CACNB2: variants seen among roughly 807,000 people sequenced by gnomAD.
CACNB2 encodes voltage-dependent L-type calcium channel subunit beta-2.
A neutral mutation model predicts 73.3 loss-of-function variants in CACNB2; 42 were observed. That is an observed-to-expected ratio of 0.57 (90% CI 0.45 to 0.74). The LOEUF (loss-of-function observed/expected upper bound fraction) is 0.74, where lower values mean the gene tolerates loss of function less well. CACNB2 is among the 30% of genes least tolerant of loss of function. CACNB2 has a pLI of 0.00. For synonymous variants in CACNB2, 348 were observed against 310.3 expected, an observed-to-expected ratio of 1.12 and a Z score of -1.28; for missense variants, 940 against 853.0, an observed-to-expected ratio of 1.10 and a Z score of -1.27.
In CACNB2 at chr10:18,527,685, A is replaced by C. The variant is rs2052615187; in HGVS notation, c.1042A>C (p.Arg348=). Residue 348 remains arginine, a synonymous_variant, in exon 10 of 14, where the codon AGG becomes CGG. Transcript: ENST00000324631. Reference sequence around the variant, plus strand: ...CGCAATAATAGAAAGATCCAACACAAGGTCAAGCTTAGGTAAGTCTGTGCA... The same window carrying C: ...CGCAATAATAGAAAGATCCAACACACGGTCAAGCTTAGGTAAGTCTGTGCA... ...KHAIIERSNT[R]SSLAEVQSEI... is the part of the protein sequence containing the mutation. 3 of 1,610,458 alleles carry C rather than the reference A, an allele frequency of 1.9e-6. No individual in the cohort carries two copies. The highest frequency in any genetic ancestry group is 2.7e-5 in the African/African-American group (2 of 74,834).
Position 18,248,976 on chromosome 10 carries a change from T to A in CACNB2, c.213+98001T>A, listed in dbSNP as rs1588841204. On this transcript the variant is annotated intron_variant, in intron 2 of 13. Transcript: ENST00000324631. ...TACTGGAAGTTCATGACCACAAATA[T>A]CCACCTGCACTCAATTCTACCTGTT... Among the ~76,000 whole-genome samples, 5 of 152,224 alleles carry A rather than the reference T, an allele frequency of 3.3e-5. No individual in the cohort carries two copies. In the East Asian group the frequency reaches 9.6e-4, roughly 29 times the overall value.
intron 2 of CACNB2, among the ~76,000 whole-genome samples, chr10:18,334,895 A>G (rs2040941463): frequency 1.3e-5 from 2 of 152,196 alleles, no homozygotes; most frequent in Non-Finnish European, 2.9e-5. Flanking sequence ...TTTATAGATT[A>G]GAAACCTGGG....
At position 18,258,982 on chromosome 10, in the gene CACNB2, A is replaced by G. The variant is rs537633439; in HGVS notation, c.213+108007A>G. ...ACTCTAGGTTTCTGATTTAATCACTAAAGTGTCCTTATTTTCTGTCTATAG... is the reference window on the plus strand; with the variant it reads ...ACTCTAGGTTTCTGATTTAATCACTGAAGTGTCCTTATTTTCTGTCTATAG... On this transcript the variant is annotated intron_variant, in intron 2 of 13. Transcript: ENST00000324631. Among the ~76,000 whole-genome samples, 7 of 152,264 alleles carry G rather than the reference A, an allele frequency of 4.6e-5. No individual in the cohort carries two copies. The East Asian group carries it at 1.4e-3, about 29-fold the overall frequency.
chr10:18,349,545 T>C (rs1411329541), intron 2 of CACNB2, among the ~76,000 whole-genome samples: 5 of 152,126 alleles, frequency 3.3e-5, no homozygotes, highest in Admixed American at 2.6e-4. Context: ...CCATTAAAAT[T>C]GATGACAATC....
At chr10:18,194,372 C>T (rs887208199) in intron 2 of CACNB2, among the ~76,000 whole-genome samples, 2 of 151,252 alleles carry the variant, frequency 1.3e-5, no homozygotes, top group African/African-American at 2.5e-5. Flanking sequence ...ATTTACCTGA[C>T]AATGAGACTC....
chr10:18,524,210 T>G (rs2052213367), intron 9 of CACNB2, among the ~76,000 whole-genome samples: 2 of 146,718 alleles, frequency 1.4e-5, no homozygotes, highest in African/African-American at 5.5e-5. Context: ...ATTCACGGTT[T>G]TTTTTTTTTG....
intron 2 of CACNB2, among the ~76,000 whole-genome samples, chr10:18,294,529 T>G (rs935557609): frequency 1.5e-4 from 23 of 152,118 alleles, no homozygotes; most frequent in African/African-American, 5.6e-4. Flanking sequence ...AGCAAATACC[T>G]AAGTAGTACA....
chr10:18,249,730 T>C (rs12245847), intron 2 of CACNB2, among the ~76,000 whole-genome samples: 62,513 of 152,014 alleles, frequency 0.41, 12,947 homozygotes, highest in East Asian at 0.61. Flanking sequence ...AAGCTTGTGG[T>C]TCTCAAGACC....
intron 2 of CACNB2, among the ~76,000 whole-genome samples, chr10:18,338,851 A>G (rs2041119232): frequency 6.8e-6 from 1 of 148,006 alleles, no homozygotes; most frequent in Non-Finnish European, 1.5e-5. Flanking sequence ...TGATCCTCCC[A>G]ACTCAGCCTC....
At chr10:18,473,798 C>T (rs892403611) in intron 3 of CACNB2, among the ~76,000 whole-genome samples, 3 of 152,130 alleles carry the variant, frequency 2.0e-5, no homozygotes, top group East Asian at 1.9e-4. Context: ...AAATAGCAAT[C>T]GAAAACTGCC....
intron 2 of CACNB2, among the ~76,000 whole-genome samples, chr10:18,283,881 C>T (rs1036011517): frequency 2.0e-5 from 3 of 152,030 alleles, no homozygotes; most frequent in African/African-American, 7.2e-5. Flanking sequence ...GTAGATATAG[C>T]TCCCCTGAAT....
At chr10:18,223,546 A>G (rs919629274) in intron 2 of CACNB2, among the ~76,000 whole-genome samples, 1 of 152,168 alleles carries the variant, frequency 6.6e-6, no homozygotes, top group Non-Finnish European at 1.5e-5. Context: ...TTTAATACTT[A>G]TGCAGAAAAG....
rs2053525879 is a variant in CACNB2 at position 18,535,904 on chromosome 10, G to GA, written c.1207-191dup. On this transcript the variant is annotated intron_variant, in intron 11 of 13. Coordinates refer to ENST00000324631, the MANE Select transcript of CACNB2 (RefSeq NM_201596.3). The stretch of plus-strand genomic sequence containing the variant: ...AAAATGTTTGAGAGCTGCTAGCATA[G>GA]AAAAAATGTGAGTGCTTAAAGCTTG... 4.6e-5 allele frequency among the ~76,000 whole-genome samples: 7 copies of GA among 152,178 alleles called. No homozygotes were observed. In the South Asian group the frequency reaches 1.5e-3, roughly 32 times the overall value.
At chr10:18,383,321 T>A (rs529730008) in intron 2 of CACNB2, among the ~76,000 whole-genome samples, 1 of 152,204 alleles carries the variant, frequency 6.6e-6, no homozygotes, top group Non-Finnish European at 1.5e-5. Context: ...CGATCTGCTG[T>A]ATGTCTGAAG....
chr10:18,333,824 A>C (rs756943989), intron 2 of CACNB2, among the ~76,000 whole-genome samples: 3 of 152,162 alleles, frequency 2.0e-5, no homozygotes, highest in Non-Finnish European at 2.9e-5. Flanking sequence ...TGGACTTTGA[A>C]GTCTGGACGG....
Position 18,373,914 on chromosome 10 carries a change from C to T in CACNB2, c.214-28010C>T, listed in dbSNP as rs142055351. Among the ~76,000 whole-genome samples the T allele has an allele frequency of 9.9e-5, 15 of 152,234 alleles. No individual in the cohort carries two copies. In the East Asian group the frequency reaches 2.7e-3, roughly 27 times the overall value. On this transcript the variant is annotated intron_variant, in intron 2 of 13. Transcript: ENST00000324631. ...AGTTAAGATGTAAAAACAGAGAATA[C>T]AGTGTGGGAGGAAATCTTGAAGACT... is the stretch of plus-strand genomic sequence containing the variant.
intron 2 of CACNB2, among the ~76,000 whole-genome samples, chr10:18,304,874 C>A (rs2039667921): frequency 6.6e-6 from 1 of 152,220 alleles, no homozygotes; most frequent in South Asian, 2.1e-4. Context: ...CCTCACAGGT[C>A]ATGCTGTACA....
At chr10:18,442,464 T>C (rs539431401) in intron 3 of CACNB2, among the ~76,000 whole-genome samples, 2 of 152,154 alleles carry the variant, frequency 1.3e-5, no homozygotes, top group East Asian at 3.9e-4. Flanking sequence ...CTGGTTCTTC[T>C]TTAGCTCAGG....
intron 2 of CACNB2, chr10:18,340,580 T>A (rs1234076350): frequency 4.3e-6 from 3 of 697,514 alleles, no homozygotes; most frequent in Non-Finnish European, 5.9e-6. Flanking sequence ...CATCTGATAC[T>A]AATGAAGTGT....
Sources: gnomAD v4.1 joint callset for allele counts (sites outside exome capture counted in the v4.1 genomes callset) on GRCh38, gnomAD v4.1.1 for gene constraint, MANE v1.5 for transcripts, NCBI Gene and HGNC (gene_info 2026-07-23, HGNC 2026-07-21) for gene names.